AKAP13: variants seen among roughly 807,000 people sequenced by gnomAD.
AKAP13 encodes the protein A-kinase anchoring protein 13.
Under a neutral mutation model 264.5 loss-of-function variants are expected in AKAP13, and 80 were observed. That is an observed-to-expected ratio of 0.30 (90% CI 0.25 to 0.36). The LOEUF (loss-of-function observed/expected upper bound fraction) is 0.36. AKAP13 is among the 10% of genes least tolerant of loss of function. The pLI, the probability that AKAP13 is intolerant of heterozygous loss-of-function variation, is 1.00. For synonymous variants in AKAP13, 1,380 were observed against 1,250.2 expected (o/e 1.10, Z -2.19); for missense variants, 3,712 against 3,435.2 (o/e 1.08, Z -2.01).
chr15:85,581,764 C>G lies in AKAP13; in HGVS notation c.3696C>G (p.Cys1232Trp). 1.2e-6 allele frequency: 2 copies of G among 1,614,172 alleles called. No homozygotes were observed. The highest frequency in any genetic ancestry group is 1.7e-6 in the Non-Finnish European group (2 of 1,180,002). Residue 1232 changes from cysteine to tryptophan, a missense_variant, in exon 7 of 37, where the codon TGC (cysteine) becomes TGG (tryptophan). Cys to Trp is a radical substitution (Grantham distance 215). Transcript: ENST00000394518. ...AAAGGAGCACTCCCTCTCTACCTTGCATGGTCTCTGCCCAGGACGCACCTC... is the reference window on the plus strand; with the variant it reads ...AAAGGAGCACTCCCTCTCTACCTTGGATGGTCTCTGCCCAGGACGCACCTC... The part of the protein sequence containing the change: ...GRERSTPSLP[C>W]MVSAQDAPLP...
intron 2 of AKAP13, among the ~76,000 whole-genome samples, chr15:85,498,108 A>G (rs1441603170): frequency 6.6e-6 from 1 of 151,534 alleles, no homozygotes; most frequent in African/African-American, 2.4e-5. Context: ...CAATGAGCAA[A>G]CAGTTTGGAG....
At chr15:85,707,717 C>G (rs2086380300) in intron 17 of AKAP13, among the ~76,000 whole-genome samples, 1 of 152,060 alleles carries the variant, frequency 6.6e-6, no homozygotes, top group Non-Finnish European at 1.5e-5. Context: ...GGAAACTCAC[C>G]CTTCCCATCA....
chr15:85,698,840 A>T lies in AKAP13; in HGVS notation c.5464+5389A>T, dbSNP rs1236325242. 2.7e-5 allele frequency among the ~76,000 whole-genome samples: 4 copies of T among 145,542 alleles called. No individual in the cohort carries two copies. In the East Asian group the frequency reaches 8.8e-4, roughly 32 times the overall value. Reference sequence around the variant, plus strand: ...ACGCCTGTAATCCCAGCTACTTGGGAGGCTGAGGCAGGAGAATCACTCGAA... The same window carrying T: ...ACGCCTGTAATCCCAGCTACTTGGGTGGCTGAGGCAGGAGAATCACTCGAA... On this transcript the variant is annotated intron_variant, in intron 17 of 36. Coordinates refer to ENST00000394518, the MANE Select transcript of AKAP13 (RefSeq NM_007200.5).
At chr15:85,495,753 A>G (rs941484996) in intron 2 of AKAP13, among the ~76,000 whole-genome samples, 3 of 152,158 alleles carry the variant, frequency 2.0e-5, no homozygotes, top group Non-Finnish European at 4.4e-5. Flanking sequence ...ACAAATTTCC[A>G]GAACCCCAAC....
intron 1 of AKAP13, among the ~76,000 whole-genome samples, chr15:85,447,048 C>A (rs578149697): frequency 1.3e-5 from 2 of 152,094 alleles, no homozygotes; most frequent in South Asian, 4.1e-4. Flanking sequence ...GCCAGGAGAT[C>A]ACAAGGTCAA....
intron 8 of AKAP13, among the ~76,000 whole-genome samples, chr15:85,617,498 C>T (rs2080992718): frequency 6.6e-6 from 1 of 152,176 alleles, no homozygotes. Flanking sequence ...CCTTGGCCTC[C>T]CAAAGTGTTG....
At chr15:85,646,202 T>C (rs932924736) in intron 10 of AKAP13, among the ~76,000 whole-genome samples, 3 of 152,168 alleles carry the variant, frequency 2.0e-5, no homozygotes, top group Non-Finnish European at 2.9e-5. Context: ...GGGCTGGGCA[T>C]GGTGGCTCAC....
At chr15:85,464,653 A>G (rs2074655619) in intron 1 of AKAP13, among the ~76,000 whole-genome samples, 1 of 152,236 alleles carries the variant, frequency 6.6e-6, no homozygotes, top group Non-Finnish European at 1.5e-5. Context: ...TCTGAGGCTC[A>G]GAGTTAAATT....
chr15:85,567,743 A>T (rs1351167624), intron 5 of AKAP13, among the ~76,000 whole-genome samples: 1 of 152,026 alleles, frequency 6.6e-6, no homozygotes, highest in African/African-American at 2.4e-5. Flanking sequence ...CCAAGATTTT[A>T]TTTGTTAACT....
intron 5 of AKAP13, among the ~76,000 whole-genome samples, chr15:85,547,085 C>G (rs2077778784): frequency 1.3e-5 from 2 of 152,190 alleles, no homozygotes; most frequent in Admixed American, 1.3e-4. Context: ...CTTCCCCACC[C>G]TGCTTTTTAA....
chr15:85,495,202 AAC>A (rs1321096781), intron 2 of AKAP13, among the ~76,000 whole-genome samples: 1 of 152,166 alleles, frequency 6.6e-6, no homozygotes, highest in African/African-American at 2.4e-5. Context: ...AAGGCCCTGG[AAC>A]AGTAAGGCTT....
chr15:85,579,952 T>C lies in AKAP13; in HGVS notation c.1884T>C (p.Asp628=), dbSNP rs1402959293. The part of the protein sequence containing the change: ...SDLALLGLEE[D]VMPHQNSETN... ...TAGCCCTTCTTGGGCTGGAAGAAGA[T>C]GTAATGCCACACCAGAACTCAGAAA... Residue 628 remains aspartate, a synonymous_variant, in exon 7 of 37, where the codon GAT becomes GAC. Coordinates refer to ENST00000394518, the MANE Select transcript of AKAP13 (RefSeq NM_007200.5). 2 of 1,614,188 alleles carry C rather than the reference T, an allele frequency of 1.2e-6. No individual in the cohort carries two copies. The highest frequency in any genetic ancestry group is 2.2e-5 in the East Asian group (1 of 44,880).
At chr15:85,450,129 C>T (rs1202801822) in intron 1 of AKAP13, among the ~76,000 whole-genome samples, 2 of 151,774 alleles carry the variant, frequency 1.3e-5, no homozygotes, top group Non-Finnish European at 2.9e-5. Context: ...TAAATTTATT[C>T]CTTGCTCAGT....
At chr15:85,455,067 A>G (rs1276886205) in intron 1 of AKAP13, among the ~76,000 whole-genome samples, 2 of 152,206 alleles carry the variant, frequency 1.3e-5, no homozygotes, top group East Asian at 3.8e-4. Context: ...ATGTGTATCC[A>G]TATTAAATTT....
chr15:85,488,878 G>A (rs2075647789), intron 2 of AKAP13, among the ~76,000 whole-genome samples: 1 of 152,182 alleles, frequency 6.6e-6, no homozygotes, highest in African/African-American at 2.4e-5. Flanking sequence ...ATAAATTTAT[G>A]TTGTCTTAAG....
intron 16 of AKAP13, among the ~76,000 whole-genome samples, chr15:85,689,037 C>T (rs2085108715): frequency 6.6e-6 from 1 of 152,190 alleles, no homozygotes. Context: ...TTTTTCTAAA[C>T]CACAGTTACT....
chr15:85,669,675 A>C, intron 13 of AKAP13, 47 bp from the exon 14 acceptor site: 1 of 1,353,186 alleles, frequency 7.4e-7, no homozygotes. Context: ...ATCTAGAAAT[A>C]TGAGAGTATA....
At chr15:85,715,974 C>T in intron 20 of AKAP13, 51 bp downstream of exon 20, 2 of 1,520,792 alleles carry the variant, frequency 1.3e-6, no homozygotes, top group South Asian at 2.5e-5. Context: ...GTGACCAGAG[C>T]ATAATAATCA....
At chr15:85,671,433 C>CAAAAAAAAAAAAAAAAAAAAA in intron 14 of AKAP13, among the ~76,000 whole-genome samples, 1 of 70,566 alleles carries the variant, frequency 1.4e-5, no homozygotes, top group Non-Finnish European at 3.0e-5. Flanking sequence ...GACACTGCCT[C>CAAAAAAAAAAAAAAAAAAAAA]AAAAAAAAAA....
Sources: gnomAD v4.1 joint callset for allele counts (sites outside exome capture counted in the v4.1 genomes callset) on GRCh38, gnomAD v4.1.1 for gene constraint, MANE v1.5 for transcripts, NCBI Gene and HGNC (gene_info 2026-07-23, HGNC 2026-07-21) for gene names.